Variants in ADAMTS6 observed in about 807,000 individuals in gnomAD.
ADAMTS6 encodes ADAM metallopeptidase with thrombospondin type 1 motif 6.
In ADAMTS6, 23 loss-of-function variants were observed where a neutral mutation model predicts 144.3. That is an observed-to-expected ratio of 0.16 (90% confidence interval 0.11 to 0.23). The LOEUF (loss-of-function observed/expected upper bound fraction) is 0.23, where lower values mean the gene tolerates loss of function less well. Ranked by LOEUF, ADAMTS6 falls within the 10% of genes least tolerant of loss-of-function variation. ADAMTS6 has a pLI of 1.00. For synonymous variants in ADAMTS6, 444 were observed against 457.5 expected (o/e 0.97, Z 0.38); for missense variants, 999 against 1,379.6 (o/e 0.72, Z 4.37).
chr5:65,215,228 C>A, intron 19 of ADAMTS6, 96 bp downstream of exon 19: 2 of 1,365,728 alleles, frequency 1.5e-6, no homozygotes, highest in Admixed American at 2.2e-5. Context: ...ACCTTAATTT[C>A]ATCACCTGTA....
At chr5:65,246,642 A>G (rs1320510639) in intron 14 of ADAMTS6, among the ~76,000 whole-genome samples, 1 of 152,190 alleles carries the variant, frequency 6.6e-6, no homozygotes, top group Non-Finnish European at 1.5e-5. Flanking sequence ...TGTGAAAAGA[A>G]TCTTCCAGAA....
chr5:65,382,987 A>T (rs1752168945), intron 7 of ADAMTS6, among the ~76,000 whole-genome samples: 1 of 152,200 alleles, frequency 6.6e-6, no homozygotes, highest in South Asian at 2.1e-4. Context: ...CTGTGTTCTC[A>T]TATGGTGAAA....
Position 65,476,702 on chromosome 5 carries a change from G to A in ADAMTS6, c.-279-2750C>T, listed in dbSNP as rs375082205. ...CAGCTCACTGCAACCTCCACCTCCC[G>A]GGTTCAAGTGATTCTCCTGCCTCAG... On this transcript the variant is annotated intron_variant, in intron 1 of 24. Coordinates refer to ENST00000381055, the MANE Select transcript of ADAMTS6 (RefSeq NM_197941.4). Among the ~76,000 whole-genome samples, 436 of 151,928 alleles carry A rather than the reference G, an allele frequency of 2.9e-3. 2 individuals are homozygous for A. Among genetic ancestry groups the A allele is most frequent in the South Asian group, 0.012 (57 of 4,806 alleles).
At chr5:65,326,507 T>C (rs976106784) in intron 9 of ADAMTS6, among the ~76,000 whole-genome samples, 5 of 152,136 alleles carry the variant, frequency 3.3e-5, no homozygotes, top group African/African-American at 1.2e-4. Flanking sequence ...AGATATTATA[T>C]CCCTACACAA....
At chr5:65,261,972 C>T (rs940039422) in intron 13 of ADAMTS6, among the ~76,000 whole-genome samples, 1 of 151,822 alleles carries the variant, frequency 6.6e-6, no homozygotes, top group African/African-American at 2.4e-5. Context: ...AAGCCGTTAT[C>T]ATAACATCAT....
At chr5:65,419,817 G>C (rs375841937) in intron 7 of ADAMTS6, among the ~76,000 whole-genome samples, 15 of 152,282 alleles carry the variant, frequency 9.9e-5, no homozygotes, top group Middle Eastern at 3.4e-3. Flanking sequence ...GTAAATTAGT[G>C]GTTACCTAGG....
At chr5:65,169,631 C>G (rs1196467484) in intron 24 of ADAMTS6, among the ~76,000 whole-genome samples, 1 of 149,410 alleles carries the variant, frequency 6.7e-6, no homozygotes, top group Non-Finnish European at 1.5e-5. Context: ...GACTTGGAAC[C>G]AACCCAAATG....
At chr5:65,269,009 TGA>T (rs139957250) in intron 12 of ADAMTS6, among the ~76,000 whole-genome samples, 7,529 of 152,240 alleles carry the variant, frequency 0.049, 650 homozygotes, top group African/African-American at 0.17. Flanking sequence ...TTCCTTCTGG[TGA>T]GAGTAGTTTT....
At chr5:65,365,817 A>G (rs1327890135) in intron 7 of ADAMTS6, among the ~76,000 whole-genome samples, 2 of 152,216 alleles carry the variant, frequency 1.3e-5, no homozygotes, top group African/African-American at 2.4e-5. Context: ...AAAACATCCT[A>G]TATAAGCTCT....
At chr5:65,257,553 G>A (rs28668482) in intron 14 of ADAMTS6, among the ~76,000 whole-genome samples, 11,594 of 152,066 alleles carry the variant, frequency 0.076, 492 homozygotes, top group Middle Eastern at 0.095. Flanking sequence ...ATATCCTTAC[G>A]TTTTTCTTGA....
chr5:65,439,167 TAAAG>T (rs1681026267), intron 7 of ADAMTS6, among the ~76,000 whole-genome samples: 1 of 151,656 alleles, frequency 6.6e-6, no homozygotes, highest in East Asian at 1.9e-4. Context: ...AGTCCATATT[TAAAG>T]AAAGAAAGAA....
intron 9 of ADAMTS6, among the ~76,000 whole-genome samples, chr5:65,319,242 G>C (rs1745298749): frequency 6.6e-6 from 1 of 152,054 alleles, no homozygotes; most frequent in African/African-American, 2.4e-5. Flanking sequence ...ATTTATAGCT[G>C]TTAAGTGCTA....
At chr5:65,368,602 T>G (rs1561469553) in intron 7 of ADAMTS6, among the ~76,000 whole-genome samples, 1 of 152,204 alleles carries the variant, frequency 6.6e-6, no homozygotes, top group Non-Finnish European at 1.5e-5. Context: ...GGAAATGCGG[T>G]GTCCATCTTG....
chr5:65,267,069 T>C (rs1488349453), intron 12 of ADAMTS6, among the ~76,000 whole-genome samples: 1 of 152,040 alleles, frequency 6.6e-6, no homozygotes, highest in Non-Finnish European at 1.5e-5. Flanking sequence ...ACTTGGAATA[T>C]ATAAATCTTA....
chr5:65,209,331 A>C (rs1756333856), intron 20 of ADAMTS6, among the ~76,000 whole-genome samples: 1 of 152,228 alleles, frequency 6.6e-6, no homozygotes, highest in Non-Finnish European at 1.5e-5. Context: ...TTGGGTAAGG[A>C]ATACAGAAAC....
chr5:65,352,219 T>C (rs1198346233), intron 7 of ADAMTS6, among the ~76,000 whole-genome samples: 1 of 143,844 alleles, frequency 7.0e-6, no homozygotes, highest in Non-Finnish European at 1.6e-5. Flanking sequence ...AAAGTTAAAA[T>C]GATAACCAAA....
intron 20 of ADAMTS6, among the ~76,000 whole-genome samples, chr5:65,202,674 C>G (rs1308471954): frequency 6.6e-6 from 1 of 152,132 alleles, no homozygotes; most frequent in Non-Finnish European, 1.5e-5. Flanking sequence ...TGTCTGATTT[C>G]TCTTTTCCTG....
rs186952199 is a variant in ADAMTS6, at chr5:65,424,472, A to T, written c.1073+27003T>A. On this transcript the variant is annotated intron_variant, in intron 7 of 24. Transcript: ENST00000381055. ...ATTGGAAAATAAGTACACAAAGTTA[A>T]CAAAGTCTCTTGATCTTACTACATC... is the stretch of plus-strand genomic sequence containing the variant. Among the ~76,000 whole-genome samples, 119 of 152,356 alleles carry T rather than the reference A, an allele frequency of 7.8e-4. 2 individuals are homozygous for T. Among genetic ancestry groups the T allele is most frequent in the African/African-American group, 2.7e-3 (114 of 41,586 alleles).
chr5:65,239,278 CTG>C (rs1273688857), intron 15 of ADAMTS6, among the ~76,000 whole-genome samples: 1 of 120,152 alleles, frequency 8.3e-6, no homozygotes, highest in Non-Finnish European at 1.7e-5. Flanking sequence ...AAAAAAAAAA[CTG>C]TGTTCATGAC....
Sources: allele counts gnomAD v4.1 joint callset (sites outside exome capture counted in the v4.1 genomes callset), GRCh38; gene constraint gnomAD v4.1.1; transcripts MANE v1.5; gene names NCBI Gene and HGNC (gene_info 2026-07-23, HGNC 2026-07-21).